SLC4A10: variants seen among roughly 807,000 people sequenced by gnomAD.
SLC4A10 encodes the protein solute carrier family 4 member 10.
In SLC4A10, 42 loss-of-function variants were observed where a neutral mutation model predicts 137.7. The observed-to-expected ratio is 0.30, with a 90% confidence interval of 0.24 to 0.39. The LOEUF (loss-of-function observed/expected upper bound fraction) is 0.39, where lower values mean the gene tolerates loss of function less well. Among genes scored for constraint, SLC4A10 ranks in the 10% least tolerant of loss-of-function variants. SLC4A10 has a pLI of 1.00. For missense variants in SLC4A10, 925 were observed against 1,355.0 expected (o/e 0.68, Z 4.98); for synonymous variants, 474 against 464.1 (o/e 1.02, Z -0.27).
chr2:161,750,647 CAT>C (rs1200120327), intron 1 of SLC4A10, among the ~76,000 whole-genome samples: 1 of 151,782 alleles, frequency 6.6e-6, no homozygotes, highest in South Asian at 2.1e-4. Context: ...TGTGACCTAA[CAT>C]GTAATCTATA....
In SLC4A10 at chr2:161,862,965, T is replaced by C. The variant is rs1315549780; in HGVS notation, c.669T>C (p.His223=). Residue 223 remains histidine (H), a synonymous_variant, in exon 6 of 27, where the codon CAT becomes CAC. Coordinates refer to ENST00000446997, the MANE Select transcript of SLC4A10 (RefSeq NM_001178015.2). The stretch of plus-strand genomic sequence containing the variant: ...AGGCATTGATGAAACAGCATCATCA[T>C]CAGAATCAGAAAAAACTCACCAACA... ...VHEALMKQHH[H]QNQKKLTNRI... 3.1e-6 allele frequency: 5 copies of C among 1,613,714 alleles called. No homozygotes were observed. The African/African-American group carries it at 6.7e-5, about 22-fold the overall frequency.
At chr2:161,689,562 G>A (rs1378705225) in intron 1 of SLC4A10, among the ~76,000 whole-genome samples, 2 of 152,202 alleles carry the variant, frequency 1.3e-5, no homozygotes, top group African/African-American at 2.4e-5. Flanking sequence ...ACTCTATGAT[G>A]TTTGCATCAT....
Position 161,722,424 on chromosome 2 carries a change from T to G in SLC4A10, c.49-48549T>G, listed in dbSNP as rs577812943. On this transcript the variant is annotated intron_variant, in intron 1 of 26. Transcript: ENST00000446997. ...TGTTTTCTGTTTGTTTGCTTTTCTT[T>G]TAACAGTTAGGCCTCTCTTCCACAG... Among the ~76,000 whole-genome samples the G allele has an allele frequency of 2.6e-5, 4 of 152,324 alleles. No individual in the cohort carries two copies. The East Asian group carries it at 7.7e-4, about 29-fold the overall frequency.
chr2:161,641,780 A>G (rs187464983), intron 1 of SLC4A10, among the ~76,000 whole-genome samples: 18 of 152,190 alleles, frequency 1.2e-4, no homozygotes, highest in Admixed American at 4.6e-4. Flanking sequence ...AATATAAGGT[A>G]ATATAATATT....
intron 2 of SLC4A10, among the ~76,000 whole-genome samples, chr2:161,775,387 T>C (rs1037128190): frequency 1.3e-5 from 2 of 151,924 alleles, no homozygotes; most frequent in Non-Finnish European, 2.9e-5. Flanking sequence ...ATAGTCTTGC[T>C]CCAGGGCTAT....
intron 15 of SLC4A10, among the ~76,000 whole-genome samples, chr2:161,919,864 G>C (rs1687797464): frequency 6.6e-6 from 1 of 152,170 alleles, no homozygotes; most frequent in Admixed American, 6.5e-5. Context: ...CCAGACCTAG[G>C]AGTTCTCTGA....
At chr2:161,628,574 G>A (rs2032914236) in intron 1 of SLC4A10, among the ~76,000 whole-genome samples, 1 of 151,948 alleles carries the variant, frequency 6.6e-6, no homozygotes, top group Non-Finnish European at 1.5e-5. Context: ...AAGAGCACAT[G>A]GAATGGCTAA....
chr2:161,930,059 A>AATAATAAATAATAAT (rs1036424307), intron 15 of SLC4A10, among the ~76,000 whole-genome samples: 9 of 152,192 alleles, frequency 5.9e-5, no homozygotes, highest in Admixed American at 3.3e-4. Flanking sequence ...TGGAATAATA[A>AATAATAAATAATAAT]ATATACATAC....
At chr2:161,797,433 C>T (rs137910357) in intron 2 of SLC4A10, among the ~76,000 whole-genome samples, 2 of 152,170 alleles carry the variant, frequency 1.3e-5, no homozygotes, top group East Asian at 3.9e-4. Flanking sequence ...CACACAGTAA[C>T]ATTTGCCTCA....
intron 1 of SLC4A10, among the ~76,000 whole-genome samples, chr2:161,713,958 A>G (rs1228017196): frequency 6.6e-6 from 1 of 151,718 alleles, no homozygotes; most frequent in Non-Finnish European, 1.5e-5. Flanking sequence ...CGTCATTTGT[A>G]CATGGTAATT....
intron 3 of SLC4A10, among the ~76,000 whole-genome samples, chr2:161,822,482 C>A (rs1158237794): frequency 3.9e-5 from 6 of 152,106 alleles, no homozygotes; most frequent in Non-Finnish European, 8.8e-5. Flanking sequence ...TCTAGAATCA[C>A]AAATTGTGCT....
intron 3 of SLC4A10, among the ~76,000 whole-genome samples, chr2:161,814,853 T>C (rs891964048): frequency 6.6e-6 from 1 of 152,072 alleles, no homozygotes; most frequent in Non-Finnish European, 1.5e-5. Flanking sequence ...GGATCAGTCA[T>C]ACCCCAAACC....
intron 3 of SLC4A10, among the ~76,000 whole-genome samples, chr2:161,809,839 A>G (rs967592920): frequency 6.6e-6 from 1 of 152,118 alleles, no homozygotes; most frequent in African/African-American, 2.4e-5. Flanking sequence ...CTTTTTGCTT[A>G]GAATTGCTTT....
At chr2:161,960,491 G>A (rs746072265) in intron 21 of SLC4A10, among the ~76,000 whole-genome samples, 2 of 151,798 alleles carry the variant, frequency 1.3e-5, no homozygotes, top group Non-Finnish European at 2.9e-5. Context: ...AGACCAAGGC[G>A]GGTGGATCAC....
At chr2:161,931,119 G>A (rs1005587818) in intron 15 of SLC4A10, 2 of 152,048 alleles carry the variant, frequency 1.3e-5, no homozygotes, top group Non-Finnish European at 2.9e-5. Flanking sequence ...TCAGCAGAAA[G>A]GGGGTTTCAC....
intron 23 of SLC4A10, among the ~76,000 whole-genome samples, chr2:161,971,626 G>A (rs1698552414): frequency 6.6e-6 from 1 of 152,186 alleles, no homozygotes; most frequent in Non-Finnish European, 1.5e-5. Context: ...CTAGGTTGTG[G>A]CTGTCGTGAC....
At position 161,708,919 on chromosome 2, in the gene SLC4A10, T is replaced by C; in HGVS notation, c.49-62054T>C. 5.1e-6 allele frequency: 7 copies of C among 1,362,248 alleles called. No homozygotes were observed. The South Asian group carries it at 1.0e-4, about 20-fold the overall frequency. The allele number at this position is 1,362,248 out of a possible 1,614,324, so 84.4% of individuals were successfully genotyped here. ...CTCATTGAAAATATATTCATTAATG[T>C]AATTGTTTATTGTCAGACTTTCCTT... On this transcript the variant is annotated intron_variant, in intron 1 of 26. Coordinates refer to ENST00000446997, the MANE Select transcript of SLC4A10 (RefSeq NM_001178015.2).
At chr2:161,839,507 T>A (rs1214124198) in intron 3 of SLC4A10, among the ~76,000 whole-genome samples, 1 of 152,018 alleles carries the variant, frequency 6.6e-6, no homozygotes, top group Non-Finnish European at 1.5e-5. Flanking sequence ...TTAAAAATAA[T>A]CCAAAATAAT....
chr2:161,772,148 C>G (rs1418196370), intron 2 of SLC4A10, among the ~76,000 whole-genome samples: 1 of 151,704 alleles, frequency 6.6e-6, no homozygotes, highest in Non-Finnish European at 1.5e-5. Flanking sequence ...ACTGGGGGGG[C>G]CTATTGATTT....
Sources: gnomAD v4.1 joint callset for allele counts (sites outside exome capture counted in the v4.1 genomes callset) on GRCh38, gnomAD v4.1.1 for gene constraint, MANE v1.5 for transcripts, NCBI Gene and HGNC (gene_info 2026-07-23, HGNC 2026-07-21) for gene names.